The following WWOX variants were observed in gnomAD, a reference collection of about 807,000 sequenced individuals.
The protein encoded by WWOX is WW domain containing oxidoreductase.
A neutral mutation model predicts 46.2 loss-of-function variants in WWOX; 69 were observed. The observed-to-expected ratio is 1.49, with a 90% CI of 1.23 to 1.82. The LOEUF (loss-of-function observed/expected upper bound fraction) is 1.82, where lower values mean the gene tolerates loss of function less well. Among genes scored for constraint, WWOX ranks in the 40% most tolerant of loss-of-function variants. The pLI, the probability that WWOX is intolerant of heterozygous loss-of-function variation, is 0.00. For synonymous variants in WWOX, 359 were observed against 202.6 expected (o/e 1.77, Z -6.56); for missense variants, 919 against 542.6 (o/e 1.69, Z -6.89).
intron 8 of WWOX, among the ~76,000 whole-genome samples, chr16:78,634,263 G>A (rs1055183093): frequency 6.6e-6 from 1 of 152,206 alleles, no homozygotes. Flanking sequence ...TGTATGACAA[G>A]TATCTCATTA....
intron 5 of WWOX, among the ~76,000 whole-genome samples, chr16:78,223,368 G>C (rs1255557820): frequency 6.6e-5 from 10 of 152,184 alleles, no homozygotes; most frequent in Admixed American, 5.9e-4. Flanking sequence ...TGCTGAGGCT[G>C]AGAAACCCTG....
At chr16:78,540,759 T>C (rs918556645) in intron 8 of WWOX, among the ~76,000 whole-genome samples, 1 of 151,988 alleles carries the variant, frequency 6.6e-6, no homozygotes, top group East Asian at 1.9e-4. Context: ...TGATCATAAC[T>C]CATGGTGACC....
intron 8 of WWOX, among the ~76,000 whole-genome samples, chr16:78,759,008 C>T (rs1017591594): frequency 6.6e-6 from 1 of 151,402 alleles, no homozygotes; most frequent in Non-Finnish European, 1.5e-5. Flanking sequence ...TAATTCGAAG[C>T]TCCTGATGTC....
chr16:78,852,454 A>T (rs2052469226), intron 8 of WWOX, among the ~76,000 whole-genome samples: 1 of 152,208 alleles, frequency 6.6e-6, no homozygotes, highest in Non-Finnish European at 1.5e-5. Flanking sequence ...GCAAGGAATC[A>T]GGCTTCCAAC....
chr16:78,529,806 AT>A (rs2043576783), intron 8 of WWOX, among the ~76,000 whole-genome samples: 1 of 152,168 alleles, frequency 6.6e-6, no homozygotes, highest in Non-Finnish European at 1.5e-5. Flanking sequence ...AATACCTAGG[AT>A]TATAAAGGGA....
Position 78,538,303 on chromosome 16 carries a change from C to T in WWOX, c.1056+105551C>T, listed in dbSNP as rs1466800557. ...ACATTATTTTGGATGTCTGGGGTTGCACCTGGAAGCTCAGATAGCAATATC... is the reference window on the plus strand; with the variant it reads ...ACATTATTTTGGATGTCTGGGGTTGTACCTGGAAGCTCAGATAGCAATATC... On this transcript the variant is annotated intron_variant, in intron 8 of 8. Coordinates refer to ENST00000566780, the MANE Select transcript of WWOX (RefSeq NM_016373.4). Among the ~76,000 whole-genome samples the T allele has an allele frequency of 2.0e-5, 3 of 150,442 alleles. No homozygotes were observed. In the South Asian group the frequency reaches 6.3e-4, roughly 32 times the overall value.
At chr16:78,762,410 G>C (rs887836508) in intron 8 of WWOX, among the ~76,000 whole-genome samples, 1 of 152,190 alleles carries the variant, frequency 6.6e-6, no homozygotes, top group African/African-American at 2.4e-5. Context: ...GTGTACTTTA[G>C]AAGGGGAACT....
intron 8 of WWOX, chr16:78,996,310 T>C (rs907466252): frequency 5.1e-6 from 5 of 984,654 alleles, no homozygotes; most frequent in Non-Finnish European, 6.0e-6. Flanking sequence ...GCCTTGTGGA[T>C]GTTTTTCTAC....
At chr16:78,566,040 A>G (rs1251384325) in intron 8 of WWOX, among the ~76,000 whole-genome samples, 1 of 152,086 alleles carries the variant, frequency 6.6e-6, no homozygotes, top group African/African-American at 2.4e-5. Context: ...AGAGGCTGGG[A>G]AGTCCAAGGT....
chr16:78,696,781 C>T (rs1382135271), intron 8 of WWOX, among the ~76,000 whole-genome samples: 2 of 152,038 alleles, frequency 1.3e-5, no homozygotes, highest in Non-Finnish European at 2.9e-5. Context: ...GTATACACTG[C>T]ATCCAGTTTG....
intron 8 of WWOX, among the ~76,000 whole-genome samples, chr16:78,769,434 T>C (rs1008757969): frequency 6.6e-6 from 1 of 152,124 alleles, no homozygotes; most frequent in Non-Finnish European, 1.5e-5. Flanking sequence ...ATTGGGGACA[T>C]CGTGGTAAAC....
intron 8 of WWOX, among the ~76,000 whole-genome samples, chr16:78,994,866 T>C (rs774074336): frequency 4.6e-5 from 7 of 151,986 alleles, no homozygotes; most frequent in Non-Finnish European, 1.0e-4. Flanking sequence ...GAAGCCATTA[T>C]TATAATGTGA....
intron 8 of WWOX, among the ~76,000 whole-genome samples, chr16:78,938,557 T>A (rs1597177736): frequency 6.6e-6 from 1 of 152,140 alleles, no homozygotes; most frequent in South Asian, 2.1e-4. Context: ...CAACAGTGGG[T>A]TTTTGTTAAA....
intron 8 of WWOX, among the ~76,000 whole-genome samples, chr16:78,744,594 GC>G (rs1017792606): frequency 6.6e-6 from 1 of 151,718 alleles, no homozygotes; most frequent in Non-Finnish European, 1.5e-5. Flanking sequence ...ACCACACCTG[GC>G]TAATTTTTGT....
At chr16:78,863,342 T>C (rs921617773) in intron 8 of WWOX, among the ~76,000 whole-genome samples, 1 of 152,186 alleles carries the variant, frequency 6.6e-6, no homozygotes, top group Non-Finnish European at 1.5e-5. Flanking sequence ...CAGAGTCATC[T>C]CAAAAATCTC....
chr16:78,838,198 A>G (rs1049609699), intron 8 of WWOX, among the ~76,000 whole-genome samples: 2 of 152,104 alleles, frequency 1.3e-5, no homozygotes, highest in African/African-American at 4.8e-5. Context: ...GTGGTGAAGC[A>G]GAGGGATGCA....
At chr16:78,871,728 C>G (rs963316010) in intron 8 of WWOX, among the ~76,000 whole-genome samples, 3 of 152,162 alleles carry the variant, frequency 2.0e-5, no homozygotes, top group African/African-American at 7.2e-5. Flanking sequence ...GCCTTCCAAG[C>G]AGCTGGGACT....
chr16:78,676,144 G>A (rs1363973229), intron 8 of WWOX, among the ~76,000 whole-genome samples: 1 of 151,880 alleles, frequency 6.6e-6, no homozygotes, highest in Non-Finnish European at 1.5e-5. Context: ...GAGCCCCCAA[G>A]GGTTCAAATT....
chr16:78,554,365 C>A (rs1356245319), intron 8 of WWOX, among the ~76,000 whole-genome samples: 1 of 152,154 alleles, frequency 6.6e-6, no homozygotes, highest in African/African-American at 2.4e-5. Context: ...AAAGCCATCA[C>A]CAAGGTCTGA....
Sources: gnomAD v4.1 joint callset for allele counts (sites outside exome capture counted in the v4.1 genomes callset) on GRCh38, gnomAD v4.1.1 for gene constraint, MANE v1.5 for transcripts, NCBI Gene and HGNC (gene_info 2026-07-23, HGNC 2026-07-21) for gene names.